The following CALCR variants were observed in gnomAD, a reference collection of about 807,000 sequenced individuals.
CALCR encodes the protein calcitonin receptor.
CALCR carries 47 observed loss-of-function variants against 59.5 expected under a neutral mutation model. The ratio of observed to expected loss-of-function variants is 0.79; its 90% CI spans 0.63 to 1.01. The LOEUF (loss-of-function observed/expected upper bound fraction) is 1.01. Ranked by LOEUF, CALCR falls within the 50% of genes least tolerant of loss-of-function variation. The pLI is 0.00. For missense variants in CALCR, 566 were observed against 597.1 expected, an observed-to-expected ratio of 0.95 and a Z score of 0.54; for synonymous variants, 213 against 211.3, an observed-to-expected ratio of 1.01 and a Z score of -0.07.
chr7:93,493,385 G>A (rs1306311259), intron 2 of CALCR, among the ~76,000 whole-genome samples: 3 of 151,288 alleles, frequency 2.0e-5, no homozygotes, highest in African/African-American at 7.3e-5. Context: ...TGAGAAAGTT[G>A]GGATCATTCC....
At chr7:93,513,399 A>G (rs1801589285) in intron 2 of CALCR, among the ~76,000 whole-genome samples, 1 of 152,202 alleles carries the variant, frequency 6.6e-6, no homozygotes, top group African/African-American at 2.4e-5. Flanking sequence ...ATACTACAGT[A>G]TAGAACCACT....
chr7:93,530,533 T>A (rs1451124400), intron 2 of CALCR, among the ~76,000 whole-genome samples: 12 of 152,086 alleles, frequency 7.9e-5, no homozygotes, highest in Non-Finnish European at 1.8e-4. Context: ...CATCCACAAG[T>A]GGTACATTTT....
intron 2 of CALCR, among the ~76,000 whole-genome samples, chr7:93,536,982 G>T (rs914589891): frequency 6.6e-6 from 1 of 151,804 alleles, no homozygotes; most frequent in Middle Eastern, 3.4e-3. Context: ...AGCATTAAGT[G>T]ATTTAGAAAA....
chr7:93,440,633 C>A (rs1342549599), intron 9 of CALCR, among the ~76,000 whole-genome samples: 6 of 151,968 alleles, frequency 3.9e-5, no homozygotes, highest in Admixed American at 2.0e-4. Flanking sequence ...GGTTGACTAT[C>A]TTTCCAAAAG....
chr7:93,521,225 T>C (rs1169026511), intron 2 of CALCR, among the ~76,000 whole-genome samples: 4 of 152,236 alleles, frequency 2.6e-5, no homozygotes, highest in African/African-American at 9.6e-5. Flanking sequence ...AAGGCTAAAG[T>C]TGGGGCCAGC....
intron 3 of CALCR, among the ~76,000 whole-genome samples, chr7:93,486,513 G>T (rs181636412): frequency 3.3e-5 from 5 of 151,522 alleles, no homozygotes; most frequent in Admixed American, 3.3e-4. Context: ...TAAAAGAATT[G>T]AACAGCCCAG....
At chr7:93,507,495 T>G (rs966387971) in intron 2 of CALCR, among the ~76,000 whole-genome samples, 4 of 151,556 alleles carry the variant, frequency 2.6e-5, no homozygotes, top group Admixed American at 2.6e-4. Context: ...ACAGCCTAGA[T>G]GTTGAATCAG....
At chr7:93,494,365 G>T (rs930181112) in intron 2 of CALCR, among the ~76,000 whole-genome samples, 1 of 151,356 alleles carries the variant, frequency 6.6e-6, no homozygotes, top group African/African-American at 2.4e-5. Context: ...CTGTAGAAAA[G>T]GGGACCCCCA....
chr7:93,480,377 G>T (rs371688996), intron 3 of CALCR, among the ~76,000 whole-genome samples: 1 of 151,728 alleles, frequency 6.6e-6, no homozygotes, highest in African/African-American at 2.4e-5. Context: ...TCTGCATAGA[G>T]ATTTTTTTTT....
chr7:93,550,422 AGATTGCAGT>A (rs1789416488), intron 2 of CALCR, among the ~76,000 whole-genome samples: 2 of 137,478 alleles, frequency 1.5e-5, no homozygotes, highest in Non-Finnish European at 3.1e-5. Flanking sequence ...CGGGAGGCGG[AGATTGCAGT>A]GAGCCGAGAT....
At position 93,572,439 on chromosome 7, in the gene CALCR, C is replaced by T. The variant is rs530860447; in HGVS notation, c.-27+1850G>A. On this transcript the variant is annotated intron_variant, in intron 2 of 13. Transcript: ENST00000426151. ...CTGATTTGATTGAATTGGGGTAAGG[C>T]TGAGCATCCGTATTTTTTGAAAGTT... is the stretch of plus-strand genomic sequence containing the variant. Among the ~76,000 whole-genome samples, 12 of 152,244 alleles carry T rather than the reference C, an allele frequency of 7.9e-5. No homozygotes were observed. The South Asian group carries it at 1.7e-3, about 21-fold the overall frequency.
intron 5 of CALCR, among the ~76,000 whole-genome samples, chr7:93,473,415 C>T (rs1359299689): frequency 6.6e-6 from 1 of 151,656 alleles, no homozygotes. Flanking sequence ...AGCTATTAAG[C>T]ACTAATTAAG....
At chr7:93,431,783 T>A (rs570106006) in intron 13 of CALCR, among the ~76,000 whole-genome samples, 1 of 152,306 alleles carries the variant, frequency 6.6e-6, no homozygotes, top group East Asian at 1.9e-4. Flanking sequence ...GCTACTTCCT[T>A]CTATAAACTA....
In CALCR at chr7:93,447,050, A is replaced by G. The variant is rs116236445; in HGVS notation, c.649-3293T>C. 6.0e-3 allele frequency among the ~76,000 whole-genome samples: 915 copies of G among 152,152 alleles called. 7 individuals are homozygous for G. Among genetic ancestry groups the G allele is most frequent in the African/African-American group, 0.021 (885 of 41,554 alleles). Reference sequence around the variant, plus strand: ...TTTGGCTTCAATGAGTCATATCACTATTCAGTGCCCTTACTACCAGTTCAT... The same window carrying G: ...TTTGGCTTCAATGAGTCATATCACTGTTCAGTGCCCTTACTACCAGTTCAT... On this transcript the variant is annotated intron_variant, in intron 8 of 13. Coordinates refer to ENST00000426151, the MANE Select transcript of CALCR (RefSeq NM_001742.4).
At position 93,547,118 on chromosome 7, in the gene CALCR, C is replaced by T. The variant is rs377522519; in HGVS notation, c.-27+27171G>A. On this transcript the variant is annotated intron_variant, in intron 2 of 13. Coordinates refer to ENST00000426151, the MANE Select transcript of CALCR (RefSeq NM_001742.4). ...GAAAAAGACCCTTGATCTCATGGTACGGACCTCTTAGGACAGGTTATCTGA... is the reference window on the plus strand; with the variant it reads ...GAAAAAGACCCTTGATCTCATGGTATGGACCTCTTAGGACAGGTTATCTGA... Among the ~76,000 whole-genome samples the T allele has an allele frequency of 9.9e-5, 15 of 152,226 alleles. No homozygotes were observed. The East Asian group carries it at 1.9e-3, about 20-fold the overall frequency.
chr7:93,459,871 T>C (rs1800280796), intron 8 of CALCR, among the ~76,000 whole-genome samples: 1 of 152,178 alleles, frequency 6.6e-6, no homozygotes, highest in Non-Finnish European at 1.5e-5. Flanking sequence ...TTCTCTATAG[T>C]ACTCAAATAG....
chr7:93,472,962 G>C (rs1000316512), intron 5 of CALCR, among the ~76,000 whole-genome samples: 3 of 151,620 alleles, frequency 2.0e-5, no homozygotes, highest in African/African-American at 4.8e-5. Flanking sequence ...AGTAATTTTT[G>C]GATCAAATGT....
chr7:93,486,063 C>T (rs1423293780), intron 3 of CALCR, among the ~76,000 whole-genome samples: 6 of 151,686 alleles, frequency 4.0e-5, no homozygotes, highest in South Asian at 4.2e-4. Flanking sequence ...TGGAAATCCT[C>T]GAACCCTATG....
intron 11 of CALCR, 44 bp from the exon 12 acceptor site, chr7:93,436,214 C>T (rs1200637973): frequency 6.7e-7 from 1 of 1,490,134 alleles, no homozygotes; most frequent in East Asian, 2.3e-5. Flanking sequence ...AGAAAAGTAT[C>T]ACTTAAGAAT....
Sources: allele counts gnomAD v4.1 joint callset (sites outside exome capture counted in the v4.1 genomes callset), GRCh38; gene constraint gnomAD v4.1.1; transcripts MANE v1.5; gene names NCBI Gene and HGNC (gene_info 2026-07-23, HGNC 2026-07-21).